The following NAALADL2 variants were observed in gnomAD, a reference collection of about 807,000 sequenced individuals.
NAALADL2 encodes the protein N-acetylated alpha-linked acidic dipeptidase like 2, also known as inactive N-acetylated-alpha-linked acidic dipeptidase-like protein 2.
Under a neutral mutation model 87.2 loss-of-function variants are expected in NAALADL2, and 76 were observed. The observed-to-expected ratio is 0.87, with a 90% CI of 0.72 to 1.05. The LOEUF (loss-of-function observed/expected upper bound fraction) is 1.05, where lower values mean the gene tolerates loss of function less well. Among genes scored for constraint, NAALADL2 ranks in the 50% least tolerant of loss-of-function variants. The pLI, the probability that NAALADL2 is intolerant of heterozygous loss-of-function variation, is 0.00. For missense variants in NAALADL2, 1,089 were observed against 945.8 expected (o/e 1.15, Z -1.99); for synonymous variants, 354 against 331.0 (o/e 1.07, Z -0.75).
intron 3 of NAALADL2, among the ~76,000 whole-genome samples, chr3:174,788,271 A>G (rs1469995089): frequency 4.6e-5 from 7 of 151,516 alleles, no homozygotes; most frequent in African/African-American, 1.5e-4. Flanking sequence ...GGAATGAGGC[A>G]TTATCAGATG....
chr3:175,572,044 G>A (rs143904674), intron 9 of NAALADL2, among the ~76,000 whole-genome samples: 16 of 152,268 alleles, frequency 1.1e-4, no homozygotes, highest in African/African-American at 2.9e-4. Flanking sequence ...GAGTGGGGAT[G>A]GGGTGGGGGA....
chr3:175,797,828 C>G (rs1330123025), intron 13 of NAALADL2, among the ~76,000 whole-genome samples: 1 of 151,932 alleles, frequency 6.6e-6, no homozygotes, highest in Non-Finnish European at 1.5e-5. Context: ...TATCCACAAA[C>G]AAGAAGCATT....
chr3:175,223,094 C>CTGTGTGTGTGTG lies in NAALADL2; in HGVS notation c.546-10810_546-10799dup, dbSNP rs71626203. Among the ~76,000 whole-genome samples the CTGTGTGTGTGTG allele has an allele frequency of 8.7e-3, 1,285 of 147,570 alleles. 15 individuals are homozygous for CTGTGTGTGTGTG. Among genetic ancestry groups the CTGTGTGTGTGTG allele is most frequent in the East Asian group, 0.033 (164 of 4,966 alleles). On this transcript the variant is annotated intron_variant, in intron 2 of 13. Transcript: ENST00000454872. ...ACATTCATCACTACCCATAGTTACTCTGTGTGTGTGTGTGTGTGTGTGTGT... is the reference window on the plus strand; with the variant it reads ...ACATTCATCACTACCCATAGTTACTCTGTGTGTGTGTGTGTGTGTGTGTGTGTGTGTGTGTGT...
At chr3:175,745,455 C>A (rs943125732) in intron 12 of NAALADL2, among the ~76,000 whole-genome samples, 2 of 152,100 alleles carry the variant, frequency 1.3e-5, no homozygotes, top group Non-Finnish European at 2.9e-5. Flanking sequence ...CATGAATGTT[C>A]AAGTTCTTCA....
At position 175,148,091 on chromosome 3, in the gene NAALADL2, G is replaced by GATAATAATA. The variant is rs777779002; in HGVS notation, c.545+50826_545+50834dup. On this transcript the variant is annotated intron_variant, in intron 2 of 13. Coordinates refer to ENST00000454872, the MANE Select transcript of NAALADL2 (RefSeq NM_207015.3). Reference sequence around the variant, plus strand: ...GTCTCAAAATAATAATAATGATAATGATAATAATAATAATAATAATAATAA... The same window carrying GATAATAATA: ...GTCTCAAAATAATAATAATGATAATGATAATAATAATAATAATAATAATAATAATAATAA... Among the ~76,000 whole-genome samples the GATAATAATA allele has an allele frequency of 6.4e-3, 709 of 110,708 alleles. 4 individuals are homozygous for GATAATAATA. The highest frequency in any genetic ancestry group is 0.023 in the African/African-American group (672 of 29,316). The allele number at this position is 110,708 out of a possible 152,430, so 72.6% of individuals were successfully genotyped here.
At chr3:174,533,995 T>C (rs1217791657) in intron 1 of NAALADL2, among the ~76,000 whole-genome samples, 2 of 152,178 alleles carry the variant, frequency 1.3e-5, no homozygotes, top group African/African-American at 4.8e-5. Context: ...TTTATAAACA[T>C]GACAATAATT....
chr3:174,783,534 C>T (rs1320171285), intron 3 of NAALADL2, among the ~76,000 whole-genome samples: 1 of 152,122 alleles, frequency 6.6e-6, no homozygotes, highest in Non-Finnish European at 1.5e-5. Flanking sequence ...AAATAGTGTG[C>T]ATTTTGCAAC....
At chr3:174,575,681 C>G (rs1027133467) in intron 2 of NAALADL2, among the ~76,000 whole-genome samples, 1 of 151,984 alleles carries the variant, frequency 6.6e-6, no homozygotes, top group Non-Finnish European at 1.5e-5. Flanking sequence ...GTTACATATA[C>G]TTTGTATGAT....
At chr3:174,884,386 A>T (rs1729803282) in intron 1 of NAALADL2, among the ~76,000 whole-genome samples, 1 of 152,196 alleles carries the variant, frequency 6.6e-6, no homozygotes. Flanking sequence ...TCAAAATGCC[A>T]TTCCACCATT....
chr3:175,427,737 A>T (rs1006483585), intron 5 of NAALADL2, among the ~76,000 whole-genome samples: 1 of 152,176 alleles, frequency 6.6e-6, no homozygotes, highest in Non-Finnish European at 1.5e-5. Context: ...CTTTTCCAAT[A>T]GGCATATTTT....
intron 11 of NAALADL2, among the ~76,000 whole-genome samples, chr3:175,702,489 G>A (rs936525230): frequency 2.0e-5 from 3 of 151,878 alleles, no homozygotes; most frequent in Non-Finnish European, 4.4e-5. Flanking sequence ...AACTAAAAAA[G>A]AATCACTGCC....
intron 5 of NAALADL2, among the ~76,000 whole-genome samples, chr3:175,440,911 C>A (rs1380176768): frequency 6.6e-6 from 1 of 152,042 alleles, no homozygotes; most frequent in African/African-American, 2.4e-5. Context: ...GCTAGGACTT[C>A]CTCTATGTCC....
intron 1 of NAALADL2, among the ~76,000 whole-genome samples, chr3:174,923,862 A>G (rs576908623): frequency 6.6e-6 from 1 of 152,036 alleles, no homozygotes; most frequent in South Asian, 2.1e-4. Context: ...AATTTGTGAT[A>G]TTTTTTGGGT....
intron 1 of NAALADL2, among the ~76,000 whole-genome samples, chr3:174,482,506 G>A (rs541279872): frequency 2.0e-4 from 30 of 152,136 alleles, no homozygotes; most frequent in African/African-American, 7.0e-4. Context: ...AATTATTGAT[G>A]CTAAAGAACT....
At position 175,804,832 on chromosome 3, in the gene NAALADL2, G is replaced by A. The variant is rs1444684026; in HGVS notation, c.*1629G>A. The A allele has an allele frequency of 6.6e-6, 1 of 151,866 alleles. No individual in the cohort carries two copies. The highest frequency in any genetic ancestry group is 1.5e-5 in the Non-Finnish European group (1 of 67,868). The allele number at this position is 151,866 out of a possible 1,614,324, so 9.4% of individuals were successfully genotyped here. ...TATGCTCAAGGCAAAGCAGGGAATA[G>A]AGGCAATTAGCTAGATAATTCAAGC... On this transcript the variant is annotated 3_prime_UTR_variant, in exon 14 of 14. Coordinates refer to ENST00000454872, the MANE Select transcript of NAALADL2 (RefSeq NM_207015.3).
At chr3:174,870,760 T>G (rs2109609262) in intron 1 of NAALADL2, among the ~76,000 whole-genome samples, 1 of 152,298 alleles carries the variant, frequency 6.6e-6, no homozygotes, top group Non-Finnish European at 1.5e-5. Flanking sequence ...GTACTTTAAA[T>G]ATTTACCATT....
chr3:175,012,695 A>G (rs1424295662), intron 1 of NAALADL2, among the ~76,000 whole-genome samples: 6 of 152,132 alleles, frequency 3.9e-5, no homozygotes, highest in South Asian at 4.1e-4. Context: ...AGTATTGTCC[A>G]TGGCTGCTTT....
intron 3 of NAALADL2, among the ~76,000 whole-genome samples, chr3:174,848,646 G>A (rs1186988674): frequency 6.6e-6 from 1 of 152,094 alleles, no homozygotes; most frequent in African/African-American, 2.4e-5. Context: ...CATTTTCACA[G>A]CTTTGCAGTG....
intron 1 of NAALADL2, among the ~76,000 whole-genome samples, chr3:174,990,068 A>T (rs966384892): frequency 1.7e-4 from 26 of 152,194 alleles, no homozygotes; most frequent in African/African-American, 6.3e-4. Flanking sequence ...AAGTAAATCA[A>T]TATGCATGAG....
Sources: gnomAD v4.1 joint callset for allele counts (sites outside exome capture counted in the v4.1 genomes callset) on GRCh38, gnomAD v4.1.1 for gene constraint, MANE v1.5 for transcripts, NCBI Gene and HGNC (gene_info 2026-07-23, HGNC 2026-07-21) for gene names.